Variants in CERS6 observed in about 807,000 individuals in gnomAD.
CERS6 encodes the protein ceramide synthase 6, also known as LAG1 homolog, ceramide synthase 6.
CERS6 carries 26 observed loss-of-function variants against 56.8 expected under a neutral mutation model. The observed-to-expected ratio is 0.46, with a 90% CI of 0.34 to 0.63. The LOEUF (loss-of-function observed/expected upper bound fraction) is 0.63. Among genes scored for constraint, CERS6 ranks in the 30% least tolerant of loss-of-function variants. CERS6 has a pLI of 0.01. For synonymous variants in CERS6, 164 were observed against 173.3 expected, an observed-to-expected ratio of 0.95 and a Z score of 0.42; for missense variants, 415 against 467.5, an observed-to-expected ratio of 0.89 and a Z score of 1.04.
chr2:168,719,134 G>GTAC (rs1450962863), intron 8 of CERS6, among the ~76,000 whole-genome samples: 1 of 152,294 alleles, frequency 6.6e-6, no homozygotes, highest in Non-Finnish European at 1.5e-5. Context: ...TGCATTACCA[G>GTAC]CACTGAGATG....
At position 168,484,203 on chromosome 2, in the gene CERS6, C is replaced by T. The variant is rs755983363; in HGVS notation, c.170+27585C>T. Among the ~76,000 whole-genome samples the T allele has an allele frequency of 1.8e-4, 14 of 76,382 alleles. No homozygotes were observed. In the South Asian group the frequency reaches 3.2e-3, roughly 17 times the overall value. 50.1% of individuals were successfully genotyped at this position (76,382 alleles called of 152,430 possible). The stretch of plus-strand genomic sequence containing the variant: ...TTTTTTTTTTTTTTTTTTTTTGAGA[C>T]GGAGCTTCACTCCTGTTGCCCAGGC... On this transcript the variant is annotated intron_variant, in intron 1 of 9. Coordinates refer to ENST00000305747, the MANE Select transcript of CERS6 (RefSeq NM_203463.3).
At chr2:168,521,911 A>G (rs562340360) in intron 1 of CERS6, among the ~76,000 whole-genome samples, 4 of 152,352 alleles carry the variant, frequency 2.6e-5, no homozygotes, top group Admixed American at 2.6e-4. Flanking sequence ...ATAATTTGTT[A>G]GAAGCAGTTT....
chr2:168,750,445 T>G (rs1684230382), intron 8 of CERS6, among the ~76,000 whole-genome samples: 1 of 152,226 alleles, frequency 6.6e-6, no homozygotes, highest in African/African-American at 2.4e-5. Flanking sequence ...ATATCTTTGT[T>G]TCTAACATTT....
At chr2:168,688,356 G>A (rs1054451136) in intron 4 of CERS6, among the ~76,000 whole-genome samples, 16 of 150,814 alleles carry the variant, frequency 1.1e-4, no homozygotes, top group African/African-American at 3.4e-4. Context: ...TCATTTGAAC[G>A]CAGGAGGCAG....
intron 3 of CERS6, among the ~76,000 whole-genome samples, chr2:168,562,241 T>C (rs16855480): frequency 0.021 from 3,196 of 152,190 alleles, 124 homozygotes; most frequent in East Asian, 0.18. Context: ...GTGAAAAAAG[T>C]GTTTCAGTGT....
At chr2:168,602,373 A>G (rs747464673) in intron 3 of CERS6, among the ~76,000 whole-genome samples, 4 of 152,232 alleles carry the variant, frequency 2.6e-5, no homozygotes, top group Non-Finnish European at 5.9e-5. Context: ...ACTTTTGCTA[A>G]ATGTATAAGT....
At chr2:168,756,629 G>A (rs1400752524) in intron 8 of CERS6, among the ~76,000 whole-genome samples, 3 of 152,200 alleles carry the variant, frequency 2.0e-5, no homozygotes, top group Non-Finnish European at 2.9e-5. Flanking sequence ...GGGAATTACA[G>A]GCCAAAGGGA....
chr2:168,631,993 T>C (rs1002534222), intron 4 of CERS6, among the ~76,000 whole-genome samples: 2 of 150,620 alleles, frequency 1.3e-5, no homozygotes, highest in African/African-American at 4.9e-5. Flanking sequence ...CATAAGATCA[T>C]TTCCCCTGCT....
chr2:168,616,386 C>T (rs368831422), intron 3 of CERS6, among the ~76,000 whole-genome samples: 2 of 152,114 alleles, frequency 1.3e-5, no homozygotes, highest in South Asian at 4.2e-4. Flanking sequence ...CCTCACATCT[C>T]AATACTAACA....
chr2:168,720,246 C>T (rs1687328646), intron 8 of CERS6, among the ~76,000 whole-genome samples: 1 of 152,122 alleles, frequency 6.6e-6, no homozygotes, highest in South Asian at 2.1e-4. Context: ...ACTATTTTAA[C>T]GTATCAACAC....
intron 2 of CERS6, among the ~76,000 whole-genome samples, chr2:168,555,722 CTGTGTGTGTGTGTG>C (rs58781728): frequency 2.8e-4 from 39 of 141,006 alleles, no homozygotes; most frequent in African/African-American, 8.0e-4. Context: ...ATAATTGACT[CTGTGTGTGTGTGTG>C]TGTGTGTGTG....
intron 4 of CERS6, among the ~76,000 whole-genome samples, chr2:168,667,077 C>T (rs1282602475): frequency 6.6e-6 from 1 of 152,154 alleles, no homozygotes; most frequent in East Asian, 1.9e-4. Context: ...GGATAAGGCT[C>T]CTCTGTTTTC....
In CERS6 at chr2:168,646,395, T is replaced by C. The variant is rs1016763132; in HGVS notation, c.465+15353T>C. Among the ~76,000 whole-genome samples, 9 of 152,350 alleles carry C rather than the reference T, an allele frequency of 5.9e-5. No homozygotes were observed. The South Asian group carries it at 1.7e-3, about 28-fold the overall frequency. On this transcript the variant is annotated intron_variant, in intron 4 of 9. Transcript: ENST00000305747. The stretch of plus-strand genomic sequence containing the variant: ...GCCCACTTTTTAATGGGGTTGCTTT[T>C]CTCTTGTAAATTTGTTTAATTCCTT...
chr2:168,664,372 A>G (rs1863145), intron 4 of CERS6, among the ~76,000 whole-genome samples: 60,884 of 151,984 alleles, frequency 0.4, 13,687 homozygotes, highest in Non-Finnish European at 0.51. Flanking sequence ...AGGGCAGTGA[A>G]CTGGGAGGGT....
chr2:168,481,944 T>G (rs1694184988), intron 1 of CERS6, among the ~76,000 whole-genome samples: 1 of 152,240 alleles, frequency 6.6e-6, no homozygotes, highest in African/African-American at 2.4e-5. Flanking sequence ...TAGGTTGAAT[T>G]TTTGAATAAC....
chr2:168,766,190 G>C lies in CERS6; in HGVS notation c.1002+442G>C, dbSNP rs772909694. 4.8e-5 allele frequency: 37 copies of C among 764,650 alleles called. No individual in the cohort carries two copies. The African/African-American group carries it at 6.0e-4, about 12-fold the overall frequency. The allele number at this position is 764,650 out of a possible 1,614,324, so 47.4% of individuals were successfully genotyped here. A position where few individuals can be genotyped will look rare whatever the true frequency, so the allele number is the denominator to read the frequency against. On this transcript the variant is annotated intron_variant, in intron 9 of 9. Transcript: ENST00000305747. The stretch of plus-strand genomic sequence containing the variant: ...AGTTAAATCTTTTTGGTTAAAAGTG[G>C]ACTTGAGGTTGATTCGAATAAAGCT...
chr2:168,606,869 G>A (rs1480959632), intron 3 of CERS6, among the ~76,000 whole-genome samples: 1 of 152,164 alleles, frequency 6.6e-6, no homozygotes, highest in Non-Finnish European at 1.5e-5. Context: ...TTAAAAGTGT[G>A]TGGCACCTTC....
chr2:168,726,625 C>T (rs868131340), intron 8 of CERS6, among the ~76,000 whole-genome samples: 1 of 152,176 alleles, frequency 6.6e-6, no homozygotes, highest in Admixed American at 6.5e-5. Flanking sequence ...TTTCTCTGCA[C>T]CTATGTCCTC....
intron 3 of CERS6, among the ~76,000 whole-genome samples, chr2:168,624,274 A>G (rs980868684): frequency 4.6e-5 from 7 of 152,186 alleles, no homozygotes; most frequent in African/African-American, 1.7e-4. Context: ...AGGAACTGAA[A>G]CAGAGATGGT....
Sources: allele counts gnomAD v4.1 joint callset (sites outside exome capture counted in the v4.1 genomes callset), GRCh38; gene constraint gnomAD v4.1.1; transcripts MANE v1.5; gene names NCBI Gene and HGNC (gene_info 2026-07-23, HGNC 2026-07-21).